Variants in ABR observed in about 807,000 individuals in gnomAD.
ABR encodes active breakpoint cluster region-related protein.
In ABR, 35 loss-of-function variants were observed where a neutral mutation model predicts 107.2. The ratio of observed to expected loss-of-function variants is 0.33; its 90% confidence interval spans 0.25 to 0.43. ABR has a LOEUF of 0.43. ABR is among the 20% of genes least tolerant of loss of function. ABR has a pLI of 1.00. For missense variants in ABR, 815 were observed against 1,115.2 expected (o/e 0.73, Z 3.83); for synonymous variants, 498 against 462.0 (o/e 1.08, Z -1.00).
At chr17:1,127,659 A>G (rs1041145828) in intron 1 of ABR, among the ~76,000 whole-genome samples, 3 of 152,130 alleles carry the variant, frequency 2.0e-5, no homozygotes, top group Non-Finnish European at 4.4e-5. Flanking sequence ...AAAATAAGCA[A>G]TAGTGGACCG....
At chr17:1,033,785 G>A (rs1004896321) in intron 16 of ABR, among the ~76,000 whole-genome samples, 2 of 152,078 alleles carry the variant, frequency 1.3e-5, no homozygotes, top group African/African-American at 4.8e-5. Flanking sequence ...AGAGACGGAC[G>A]GAGGTAGGAA....
At chr17:1,062,046 C>G (rs1012453658) in intron 10 of ABR, among the ~76,000 whole-genome samples, 2 of 152,146 alleles carry the variant, frequency 1.3e-5, no homozygotes, top group Non-Finnish European at 2.9e-5. Context: ...CTGTGGTGGG[C>G]GTGGGTGTCA....
chr17:1,049,343 T>C (rs1368126761), intron 16 of ABR, among the ~76,000 whole-genome samples: 3 of 152,074 alleles, frequency 2.0e-5, no homozygotes, highest in Admixed American at 2.0e-4. Context: ...AATTTTTGTA[T>C]TTTTAGTAGA....
chr17:1,156,080 T>C (rs747638664), intron 1 of ABR: 5 of 151,408 alleles, frequency 3.3e-5, no homozygotes, highest in Non-Finnish European at 5.9e-5. Flanking sequence ...TGGCCCCAGG[T>C]TCAACTCCAA....
intron 1 of ABR, among the ~76,000 whole-genome samples, chr17:1,211,980 G>A (rs2042911247): frequency 6.6e-6 from 1 of 152,028 alleles, no homozygotes; most frequent in African/African-American, 2.4e-5. Flanking sequence ...TACTCGGGAG[G>A]CTGAGGCACA....
intron 10 of ABR, among the ~76,000 whole-genome samples, chr17:1,061,998 A>C (rs1281571841): frequency 6.6e-6 from 1 of 152,238 alleles, no homozygotes; most frequent in Non-Finnish European, 1.5e-5. Flanking sequence ...AGGTGAACAA[A>C]AAGCCACAGG....
rs370663654 is a variant in ABR at position 1,157,502 on chromosome 17, C to T, written c.61+22165G>A. On this transcript the variant is annotated intron_variant, in intron 1 of 22. Coordinates refer to ENST00000302538, the MANE Select transcript of ABR (RefSeq NM_021962.5). The surrounding 1 kb of genome is among the most constrained non-coding windows in gnomAD (Gnocchi z 4.7). ...CTGACCTCATGTGATCTGCCTGCCT[C>T]GGCCTCCCAAAGTGCTGGGATTACA... 5.3e-5 allele frequency among the ~76,000 whole-genome samples: 8 copies of T among 152,158 alleles called. No individual in the cohort carries two copies. Among genetic ancestry groups the T allele is most frequent in the Admixed American group, 3.9e-4 (6 of 15,274 alleles).
intron 10 of ABR, among the ~76,000 whole-genome samples, chr17:1,066,368 A>C (rs191633425): frequency 6.6e-6 from 1 of 152,294 alleles, no homozygotes; most frequent in East Asian, 1.9e-4. Context: ...TGCATTTTTA[A>C]GTCAAGCATG....
At chr17:1,168,308 A>T (rs917576360) in intron 1 of ABR, among the ~76,000 whole-genome samples, 3 of 152,282 alleles carry the variant, frequency 2.0e-5, no homozygotes, top group Admixed American at 6.5e-5. Context: ...CTCAAAAAAA[A>T]AGATAAGAAA....
chr17:1,113,156 G>T (rs2038797031), intron 2 of ABR, among the ~76,000 whole-genome samples: 1 of 152,108 alleles, frequency 6.6e-6, no homozygotes. Context: ...TTGACCTGGT[G>T]ACTGACTCCC....
intron 3 of ABR, among the ~76,000 whole-genome samples, chr17:1,096,161 C>T (rs1331079539): frequency 6.6e-6 from 1 of 152,190 alleles, no homozygotes; most frequent in African/African-American, 2.4e-5. Flanking sequence ...CAGAGCCCAC[C>T]AGGAAGCAGG....
At chr17:1,133,944 T>C (rs7406978) in intron 1 of ABR, among the ~76,000 whole-genome samples, 71,311 of 152,072 alleles carry the variant, frequency 0.47, 16,968 homozygotes, top group East Asian at 0.55. Flanking sequence ...TGGGTGATGA[T>C]TGGAGTTACG....
At chr17:1,046,463 G>C (rs1231900869) in intron 16 of ABR, among the ~76,000 whole-genome samples, 1 of 152,182 alleles carries the variant, frequency 6.6e-6, no homozygotes, top group African/African-American at 2.4e-5. Context: ...TAGGAAAGGG[G>C]TTTTGCCATG....
intron 6 of ABR, among the ~76,000 whole-genome samples, chr17:1,076,419 G>A (rs1392849356): frequency 6.6e-6 from 1 of 151,974 alleles, no homozygotes; most frequent in Non-Finnish European, 1.5e-5. Context: ...TCTTCAGGGG[G>A]AAAAAATCAC....
At chr17:1,226,341 TTGTG>T (rs1045171061) in intron 1 of ABR, among the ~76,000 whole-genome samples, 2 of 152,170 alleles carry the variant, frequency 1.3e-5, no homozygotes, top group Non-Finnish European at 2.9e-5. Flanking sequence ...TTCTCCTAGA[TTGTG>T]TGTGCACACA....
chr17:1,110,949 G>A (rs1369711334), intron 2 of ABR, among the ~76,000 whole-genome samples: 1 of 152,182 alleles, frequency 6.6e-6, no homozygotes, highest in Non-Finnish European at 1.5e-5. Context: ...TGGTGCGGGC[G>A]GGTGAGGCTG....
intron 1 of ABR, among the ~76,000 whole-genome samples, chr17:1,186,290 G>A (rs555425174): frequency 6.6e-6 from 1 of 152,200 alleles, no homozygotes; most frequent in African/African-American, 2.4e-5. Flanking sequence ...CAGCCTCCCG[G>A]CTTTTCCAGC....
At chr17:1,173,306 A>AC (rs1207878128) in intron 1 of ABR, among the ~76,000 whole-genome samples, 23 of 75,658 alleles carry the variant, frequency 3.0e-4, no homozygotes, top group African/African-American at 1.3e-3. Context: ...ACCTCAGTCC[A>AC]CCCCCCCCAT....
intron 14 of ABR, chr17:1,055,599 C>T (rs1597581537): frequency 6.3e-6 from 1 of 159,906 alleles, no homozygotes; most frequent in East Asian, 1.7e-4. Context: ...ATGATCTCAG[C>T]TCACAGCAAC....
Sources: gnomAD v4.1 joint callset for allele counts (sites outside exome capture counted in the v4.1 genomes callset) on GRCh38, gnomAD v4.1.1 for gene constraint, Gnocchi (gnomAD v3.1) non-coding constraint, MANE v1.5 for transcripts, NCBI Gene and HGNC (gene_info 2026-07-23, HGNC 2026-07-21) for gene names.